The following GABRG1 variants were observed in gnomAD, a reference collection of about 807,000 sequenced individuals.
GABRG1 encodes the protein gamma-aminobutyric acid type A receptor subunit gamma1, also known as gamma-aminobutyric acid receptor subunit gamma-1.
A neutral mutation model predicts 49.8 loss-of-function variants in GABRG1; 49 were observed. The ratio of observed to expected loss-of-function variants is 0.98; its 90% confidence interval spans 0.78 to 1.25. GABRG1 has a LOEUF of 1.25. Among genes scored for constraint, GABRG1 ranks in the 50% most tolerant of loss-of-function variants. GABRG1 has a pLI of 0.00. For missense variants in GABRG1, 552 were observed against 552.3 expected (o/e 1.00, Z 0.01); for synonymous variants, 232 against 185.1 (o/e 1.25, Z -2.06).
intron 1 of GABRG1, among the ~76,000 whole-genome samples, chr4:46,111,742 A>C (rs1418700866): frequency 6.6e-6 from 1 of 151,420 alleles, no homozygotes; most frequent in Non-Finnish European, 1.5e-5. Flanking sequence ...CAATGAGAAA[A>C]GGACTCTCTA....
chr4:46,061,816 T>C (rs1350521928), intron 5 of GABRG1, among the ~76,000 whole-genome samples: 1 of 148,084 alleles, frequency 6.8e-6, no homozygotes. Flanking sequence ...CCACTTACAT[T>C]TTTTTTTTTT....
chr4:46,035,997 T>TA lies in GABRG1; in HGVS notation c.*4990dup, dbSNP rs1364310561. The TA allele has an allele frequency of 4.6e-5, 7 of 151,974 alleles. No homozygotes were observed. The East Asian group carries it at 1.3e-3, about 29-fold the overall frequency. 9.4% of individuals were successfully genotyped at this position (151,974 alleles called of 1,614,324 possible). A position where few individuals can be genotyped will look rare whatever the true frequency, so the allele number is the denominator to read the frequency against. On this transcript the variant is annotated 3_prime_UTR_variant, in exon 9 of 9. Coordinates refer to ENST00000295452, the MANE Select transcript of GABRG1 (RefSeq NM_173536.4). Reference sequence around the variant, plus strand: ...ACACTTAATAGATGCAAATAATTGTTATTACAGTGAAGGATTGAAAACCAA... The same window carrying TA: ...ACACTTAATAGATGCAAATAATTGTTAATTACAGTGAAGGATTGAAAACCAA...
chr4:46,073,744 T>C lies in GABRG1; in HGVS notation c.322-8160A>G, dbSNP rs1319056767. Among the ~76,000 whole-genome samples, 3 of 152,204 alleles carry C rather than the reference T, an allele frequency of 2.0e-5. No individual in the cohort carries two copies. The East Asian group carries it at 5.8e-4, about 29-fold the overall frequency. On this transcript the variant is annotated intron_variant, in intron 3 of 8. Transcript: ENST00000295452. ...ATGTTTTTTCCTATACATAAGTACC[T>C]ATGATAATGTTCAACTGATAAATTA...
chr4:46,083,688 C>T (rs1279755058), intron 3 of GABRG1, among the ~76,000 whole-genome samples: 1 of 151,180 alleles, frequency 6.6e-6, no homozygotes, highest in Non-Finnish European at 1.5e-5. Flanking sequence ...CCTCAGACTT[C>T]CTGATTTTTT....
chr4:46,065,351 A>T lies in GABRG1; in HGVS notation c.542+13T>A. 2 of 1,476,770 alleles carry T rather than the reference A, an allele frequency of 1.4e-6. No homozygotes were observed. Among genetic ancestry groups the T allele is most frequent in the Non-Finnish European group, 1.9e-6 (2 of 1,069,438 alleles). The allele number at this position is 1,476,770 out of a possible 1,614,324, so 91.5% of individuals were successfully genotyped here. A position where few individuals can be genotyped will look rare whatever the true frequency, so the allele number is the denominator to read the frequency against. ...TAAATGAGAGCAACTACAGATTTTT[A>T]AACCAATATTACCTTAGAGTATACA... On this transcript the variant is annotated intron_variant, in intron 4 of 8. Transcript: ENST00000295452.
chr4:46,062,407 G>T (rs1228466210), intron 5 of GABRG1, among the ~76,000 whole-genome samples: 1 of 152,114 alleles, frequency 6.6e-6, no homozygotes, highest in East Asian at 1.9e-4. Flanking sequence ...GGGAAGGCTG[G>T]GTCAAATGGT....
chr4:46,084,967 C>A (rs958526918), intron 2 of GABRG1, among the ~76,000 whole-genome samples: 7 of 151,422 alleles, frequency 4.6e-5, no homozygotes, highest in African/African-American at 1.7e-4. Context: ...GAATGATTTT[C>A]ATGAAAGTCA....
At chr4:46,123,301 TTTA>T (rs1721151296) in intron 1 of GABRG1, among the ~76,000 whole-genome samples, 1 of 152,104 alleles carries the variant, frequency 6.6e-6, no homozygotes, top group South Asian at 2.1e-4. Flanking sequence ...TTTAGCCAGA[TTTA>T]CAATATTTCT....
intron 1 of GABRG1, among the ~76,000 whole-genome samples, chr4:46,101,338 A>G (rs1720371772): frequency 6.6e-6 from 1 of 151,596 alleles, no homozygotes; most frequent in Non-Finnish European, 1.5e-5. Context: ...TGAATAATCT[A>G]GGGTGGTTCG....
intron 5 of GABRG1, among the ~76,000 whole-genome samples, chr4:46,060,978 T>C (rs1718650658): frequency 6.6e-6 from 1 of 152,128 alleles, no homozygotes; most frequent in South Asian, 2.1e-4. Context: ...CTGAATTCTC[T>C]ACTGGACCCA....
chr4:46,075,754 G>T (rs1434022648), intron 3 of GABRG1, among the ~76,000 whole-genome samples: 1 of 152,002 alleles, frequency 6.6e-6, no homozygotes, highest in Non-Finnish European at 1.5e-5. Flanking sequence ...CTATCTAATT[G>T]CAGAATTCCA....
chr4:46,083,444 T>C (rs1719644992), intron 3 of GABRG1, among the ~76,000 whole-genome samples: 1 of 151,748 alleles, frequency 6.6e-6, no homozygotes, highest in African/African-American at 2.4e-5. Flanking sequence ...AGGGATACAA[T>C]TTATACATAA....
intron 3 of GABRG1, among the ~76,000 whole-genome samples, chr4:46,078,270 C>G (rs1459476990): frequency 6.6e-6 from 1 of 151,996 alleles, no homozygotes; most frequent in East Asian, 1.9e-4. Flanking sequence ...ATATGCAGGT[C>G]AGTTATCTAA....
rs1188872144 is a variant in GABRG1 at position 46,038,605 on chromosome 4, A to T, written c.*2383T>A. 9 of 151,674 alleles carry T rather than the reference A, an allele frequency of 5.9e-5. No individual in the cohort carries two copies. Among genetic ancestry groups the T allele is most frequent in the Admixed American group, 2.0e-4 (3 of 15,170 alleles). 9.4% of individuals were successfully genotyped at this position (151,674 alleles called of 1,614,324 possible). A position where few individuals can be genotyped will look rare whatever the true frequency, so the allele number is the denominator to read the frequency against. On this transcript the variant is annotated 3_prime_UTR_variant, in exon 9 of 9. Coordinates refer to ENST00000295452, the MANE Select transcript of GABRG1 (RefSeq NM_173536.4). ...GTGAAACTTATACTTGGAATAGAGGAACAGGAAATGAACTGAATCAGCTTT... is the reference window on the plus strand; with the variant it reads ...GTGAAACTTATACTTGGAATAGAGGTACAGGAAATGAACTGAATCAGCTTT...
At chr4:46,107,748 TCTCATGTTCTACAA>T (rs1462650216) in intron 1 of GABRG1, among the ~76,000 whole-genome samples, 2 of 151,208 alleles carry the variant, frequency 1.3e-5, no homozygotes, top group African/African-American at 4.8e-5. Context: ...TCTACAACAA[TCTCATGTTCTACAA>T]ACTTTCCAAC....
At chr4:46,069,849 A>C (rs959756956) in intron 3 of GABRG1, among the ~76,000 whole-genome samples, 6 of 152,122 alleles carry the variant, frequency 3.9e-5, no homozygotes, top group African/African-American at 1.4e-4. Flanking sequence ...ATAAAGAGAA[A>C]TAGAAATAGT....
intron 5 of GABRG1, 41 bp downstream of exon 5, chr4:46,064,400 G>T: frequency 2.8e-6 from 3 of 1,075,986 alleles, no homozygotes; most frequent in East Asian, 2.7e-5. Context: ...CAGCTTCTAA[G>T]GTTAAAATTC....
At chr4:46,101,701 AT>A (rs1720384062) in intron 1 of GABRG1, among the ~76,000 whole-genome samples, 1 of 151,762 alleles carries the variant, frequency 6.6e-6, no homozygotes, top group Admixed American at 6.6e-5. Context: ...TAAGATGCTT[AT>A]CACGGTATTA....
chr4:46,078,447 C>A (rs1192067580), intron 3 of GABRG1, among the ~76,000 whole-genome samples: 1 of 151,664 alleles, frequency 6.6e-6, no homozygotes, highest in Non-Finnish European at 1.5e-5. Context: ...AAACTAGAAG[C>A]CCAGAAACAT....
Sources: gnomAD v4.1 joint callset for allele counts (sites outside exome capture counted in the v4.1 genomes callset) on GRCh38, gnomAD v4.1.1 for gene constraint, MANE v1.5 for transcripts, NCBI Gene and HGNC (gene_info 2026-07-23, HGNC 2026-07-21) for gene names.